Variants in PPP1R12B observed in about 807,000 individuals in gnomAD.
PPP1R12B encodes the protein myosin phosphatase target subunit 2.
PPP1R12B carries 76 observed loss-of-function variants against 126.1 expected under a neutral mutation model. The observed-to-expected ratio is 0.60, with a 90% CI of 0.50 to 0.73. PPP1R12B has a LOEUF of 0.73. Among genes scored for constraint, PPP1R12B ranks in the 30% least tolerant of loss-of-function variants. The pLI is 0.00. For missense variants in PPP1R12B, 1,052 were observed against 1,205.1 expected, an observed-to-expected ratio of 0.87 and a Z score of 1.88; for synonymous variants, 356 against 434.7, an observed-to-expected ratio of 0.82 and a Z score of 2.25.
At position 202,525,612 on chromosome 1, in the gene PPP1R12B, C is replaced by CTTTTTT. The variant is rs71142537; in HGVS notation, c.2490+28798_2490+28803dup. Among the ~76,000 whole-genome samples, 635 of 120,302 alleles carry CTTTTTT rather than the reference C, an allele frequency of 5.3e-3. 5 individuals are homozygous for CTTTTTT. The highest frequency in any genetic ancestry group is 0.018 in the African/African-American group (583 of 31,730). The allele number at this position is 120,302 out of a possible 152,430, so 78.9% of individuals were successfully genotyped here. A position where few individuals can be genotyped will look rare whatever the true frequency, so the allele number is the denominator to read the frequency against. On this transcript the variant is annotated intron_variant, in intron 18 of 23. Transcript: ENST00000608999. ...ATTGAGAAAAGCTTTTTTTTTTTTT[C>CTTTTTT]TTTTTTTTTTTTTAGAGAGAAGTTT...
At chr1:202,462,268 G>A (rs1674403372) in intron 13 of PPP1R12B, among the ~76,000 whole-genome samples, 1 of 152,156 alleles carries the variant, frequency 6.6e-6, no homozygotes, top group Non-Finnish European at 1.5e-5. Flanking sequence ...AAGAGTTAAA[G>A]CAATGAGATT....
At chr1:202,561,171 A>G (rs2149008717) in intron 19 of PPP1R12B, among the ~76,000 whole-genome samples, 1 of 152,252 alleles carries the variant, frequency 6.6e-6, no homozygotes, top group African/African-American at 2.4e-5. Flanking sequence ...ATTGTTCATA[A>G]TGATTTTAAA....
In PPP1R12B at chr1:202,434,707, G is replaced by GT; in HGVS notation, c.1194dup (p.Ile399TyrfsTer19). On this transcript the variant is annotated frameshift_variant, in exon 9 of 24. Coordinates refer to ENST00000608999, the MANE Select transcript of PPP1R12B (RefSeq NM_002481.4). LOFTEE classifies it high-confidence loss of function. Reference sequence around the variant, plus strand: ...CATTCCAACTCTGAAAGCAAGAGTAGTATCACAGAGCAGATACCAGCACCA... The same window carrying GT: ...CATTCCAACTCTGAAAGCAAGAGTAGTTATCACAGAGCAGATACCAGCACCA... The GT allele has an allele frequency of 6.2e-7, 1 of 1,613,856 alleles. No individual in the cohort carries two copies. Among genetic ancestry groups the GT allele is most frequent in the Non-Finnish European group, 8.5e-7 (1 of 1,179,940 alleles).
At chr1:202,487,330 C>T (rs1039185451) in intron 13 of PPP1R12B, among the ~76,000 whole-genome samples, 1 of 152,190 alleles carries the variant, frequency 6.6e-6, no homozygotes, top group Non-Finnish European at 1.5e-5. Context: ...GTGGTATCTG[C>T]ATAAATCTTA....
At chr1:202,526,263 A>T (rs1452826276) in intron 18 of PPP1R12B, among the ~76,000 whole-genome samples, 1 of 152,208 alleles carries the variant, frequency 6.6e-6, no homozygotes, top group Non-Finnish European at 1.5e-5. Context: ...CAGTTTTCTT[A>T]GTGAAATAGA....
chr1:202,474,521 G>A (rs1291110807), intron 13 of PPP1R12B, among the ~76,000 whole-genome samples: 1 of 152,108 alleles, frequency 6.6e-6, no homozygotes, highest in Non-Finnish European at 1.5e-5. Flanking sequence ...CGGGTAATCT[G>A]CCCGCCTCGG....
chr1:202,349,955 A>G (rs1004291366), intron 1 of PPP1R12B, among the ~76,000 whole-genome samples: 2 of 152,126 alleles, frequency 1.3e-5, no homozygotes, highest in Admixed American at 1.3e-4. Context: ...TTCTCTGTCT[A>G]CTGACTGCCA....
At chr1:202,390,051 A>G (rs760826436) in intron 1 of PPP1R12B, among the ~76,000 whole-genome samples, 1 of 152,194 alleles carries the variant, frequency 6.6e-6, no homozygotes, top group African/African-American at 2.4e-5. Context: ...CTACAAAGCA[A>G]TGGTAACCAA....
Position 202,495,676 on chromosome 1 carries a change from A to G in PPP1R12B, c.2442A>G (p.Thr814=), listed in dbSNP as rs539877137. 2 of 1,613,814 alleles carry G rather than the reference A, an allele frequency of 1.2e-6. No homozygotes were observed. Among genetic ancestry groups the G allele is most frequent in the South Asian group, 2.2e-5 (2 of 91,074 alleles). Residue 814 remains threonine (T), a synonymous_variant, in exon 17 of 24, where the codon ACA becomes ACG. Coordinates refer to ENST00000608999, the MANE Select transcript of PPP1R12B (RefSeq NM_002481.4). The part of the protein sequence containing the change: ...RRRGTGINFW[T]KDEDETDGSE... The stretch of plus-strand genomic sequence containing the variant: ...GAGGCACAGGCATCAATTTCTGGAC[A>G]AAGGATGTAAGTGGATTGGTCTGTG...
At chr1:202,567,155 A>C (rs1276164844) in intron 21 of PPP1R12B, among the ~76,000 whole-genome samples, 2 of 152,238 alleles carry the variant, frequency 1.3e-5, no homozygotes, top group African/African-American at 4.8e-5. Flanking sequence ...AGCCCAATAT[A>C]TAAGACAGAT....
intron 18 of PPP1R12B, among the ~76,000 whole-genome samples, chr1:202,505,785 C>T (rs1180800578): frequency 6.6e-6 from 1 of 151,972 alleles, no homozygotes; most frequent in African/African-American, 2.4e-5. Flanking sequence ...AAGCAAGCCT[C>T]TGTTGCTTTT....
chr1:202,532,774 GT>G lies in PPP1R12B; in HGVS notation c.2491-26093del, dbSNP rs935888437. On this transcript the variant is annotated intron_variant, in intron 18 of 23. Transcript: ENST00000608999. ...CACTGTAGTGAGATGAAAAAACTCTGTTTTTTTTTTAAACACTGTTAAACTT... is the reference window on the plus strand; with the variant it reads ...CACTGTAGTGAGATGAAAAAACTCTGTTTTTTTTTAAACACTGTTAAACTT... Among the ~76,000 whole-genome samples, 361 of 124,000 alleles carry G rather than the reference GT, an allele frequency of 2.9e-3. 2 individuals carry two copies. The highest frequency in any genetic ancestry group is 0.01 in the African/African-American group (339 of 33,212). The allele number at this position is 124,000 out of a possible 152,430, so 81.3% of individuals were successfully genotyped here.
chr1:202,567,177 A>G (rs371824290), intron 21 of PPP1R12B, among the ~76,000 whole-genome samples: 2 of 152,166 alleles, frequency 1.3e-5, no homozygotes, highest in Non-Finnish European at 2.9e-5. Flanking sequence ...AAAGTGGACT[A>G]CCTCTGTTCA....
intron 18 of PPP1R12B, among the ~76,000 whole-genome samples, chr1:202,511,807 G>C (rs1190902652): frequency 8.2e-6 from 1 of 121,596 alleles, no homozygotes; most frequent in Non-Finnish European, 1.6e-5. Context: ...ATGGAGTTTC[G>C]CTCTTGTTGG....
intron 13 of PPP1R12B, among the ~76,000 whole-genome samples, chr1:202,451,998 C>T (rs1267846172): frequency 2.0e-5 from 3 of 151,400 alleles, no homozygotes; most frequent in East Asian, 1.9e-4. Flanking sequence ...ACAGGGCGGC[C>T]GGGCAGAGAC....
intron 1 of PPP1R12B, among the ~76,000 whole-genome samples, chr1:202,392,972 ATCTC>A (rs774362493): frequency 6.6e-6 from 1 of 150,828 alleles, no homozygotes; most frequent in Non-Finnish European, 1.5e-5. Flanking sequence ...CAAAGACAGG[ATCTC>A]TCTCTATTGC....
chr1:202,399,502 T>C (rs1487810986), intron 1 of PPP1R12B, among the ~76,000 whole-genome samples: 1 of 142,392 alleles, frequency 7.0e-6, no homozygotes, highest in Non-Finnish European at 1.5e-5. Context: ...CCACCGCACC[T>C]TTTTTTTTTT....
chr1:202,518,439 G>A (rs966377677), intron 18 of PPP1R12B, among the ~76,000 whole-genome samples: 8 of 152,108 alleles, frequency 5.3e-5, no homozygotes, highest in African/African-American at 1.4e-4. Context: ...AGCCATTTAG[G>A]GGTGTTTCCT....
chr1:202,424,914 A>G (rs1191072217), intron 3 of PPP1R12B, among the ~76,000 whole-genome samples: 3 of 152,220 alleles, frequency 2.0e-5, no homozygotes, highest in Non-Finnish European at 1.5e-5. Context: ...TAGATTATAT[A>G]TCTTCAAGTC....
Sources: gnomAD v4.1 joint callset for allele counts (sites outside exome capture counted in the v4.1 genomes callset) on GRCh38, gnomAD v4.1.1 for gene constraint, MANE v1.5 for transcripts, NCBI Gene and HGNC (gene_info 2026-07-23, HGNC 2026-07-21) for gene names.